Variants in ASCC3 observed in about 807,000 individuals in gnomAD.
The protein encoded by ASCC3 is ASC-1 complex subunit P200.
In ASCC3, 158 loss-of-function variants were observed where a neutral mutation model predicts 256.3. That is an observed-to-expected ratio of 0.62 (90% CI 0.54 to 0.70). The LOEUF is 0.70. Among genes scored for constraint, ASCC3 ranks in the 30% least tolerant of loss-of-function variants. ASCC3 has a pLI of 0.00. For missense variants in ASCC3, 2,259 were observed against 2,626.0 expected, an observed-to-expected ratio of 0.86 and a Z score of 3.05; for synonymous variants, 948 against 883.4, an observed-to-expected ratio of 1.07 and a Z score of -1.30.
At chr6:100,784,539 C>T (rs997367790) in intron 8 of ASCC3, among the ~76,000 whole-genome samples, 2 of 151,930 alleles carry the variant, frequency 1.3e-5, no homozygotes, top group African/African-American at 4.8e-5. Flanking sequence ...ATGACACATT[C>T]TCCATGAATC....
chr6:100,591,136 T>G (rs913226078), intron 34 of ASCC3, among the ~76,000 whole-genome samples: 2 of 152,094 alleles, frequency 1.3e-5, no homozygotes, highest in African/African-American at 4.8e-5. Flanking sequence ...AATTAAGAGA[T>G]AAATAAGTAC....
At position 100,590,016 on chromosome 6, in the gene ASCC3, A is replaced by G. The variant is rs375204647; in HGVS notation, c.5347T>C (p.Phe1783Leu). 3 of 1,613,624 alleles carry G rather than the reference A, an allele frequency of 1.9e-6. No individual in the cohort carries two copies. In the African/African-American group the frequency reaches 4.0e-5, roughly 22 times the overall value. Residue 1783 changes from phenylalanine (F) to leucine (L), a missense_variant, in exon 35 of 42, where the codon TTT becomes CTT. Phe to Leu is a conservative substitution (Grantham distance 22). Coordinates refer to ENST00000369162, the MANE Select transcript of ASCC3 (RefSeq NM_006828.4). ...GACTTCTCAATCAGATGGGACAGAA[A>G]CTTGTTCACAGAATCATGGCTCACA... ...GDVSHDSVNK[F>L]LSHLIEKSLI...
chr6:100,753,003 C>A (rs535389678), intron 10 of ASCC3, among the ~76,000 whole-genome samples: 3 of 152,088 alleles, frequency 2.0e-5, no homozygotes, highest in African/African-American at 7.2e-5. Context: ...AGTAAATAGG[C>A]CCCTTTCAGA....
At chr6:100,593,933 ATG>A (rs543567807) in intron 34 of ASCC3, among the ~76,000 whole-genome samples, 5 of 152,212 alleles carry the variant, frequency 3.3e-5, no homozygotes, top group African/African-American at 9.6e-5. Flanking sequence ...GCACAAGTTA[ATG>A]TGTGTGTGTA....
At chr6:100,630,585 A>T (rs1398916151) in intron 26 of ASCC3, among the ~76,000 whole-genome samples, 7 of 151,376 alleles carry the variant, frequency 4.6e-5, no homozygotes, top group Admixed American at 3.9e-4. Context: ...GTGTGAATGT[A>T]CTATAATTTA....
At position 100,590,196 on chromosome 6, in the gene ASCC3, C is replaced by T. The variant is rs1053555981; in HGVS notation, c.5304-137G>A. The T allele has an allele frequency of 4.2e-5, 29 of 682,644 alleles. No homozygotes were observed. In the African/African-American group the frequency reaches 4.5e-4, roughly 11 times the overall value. 42.3% of individuals were successfully genotyped at this position (682,644 alleles called of 1,614,324 possible). On this transcript the variant is annotated intron_variant, in intron 34 of 41. Transcript: ENST00000369162. ...ATCCTCAGTAACATCACAAAACTCA[C>T]AGAAATATTAATCTTGGGTGGTAGA...
At chr6:100,535,467 T>TG (rs1562100623) in intron 37 of ASCC3, among the ~76,000 whole-genome samples, 1 of 43,350 alleles carries the variant, frequency 2.3e-5, no homozygotes, top group East Asian at 5.9e-4. Context: ...GGTTTTCGTG[T>TG]TTTTTTTTTT....
intron 19 of ASCC3, among the ~76,000 whole-genome samples, 200 bp downstream of exon 19, chr6:100,651,360 G>C (rs1353499881): frequency 6.6e-6 from 1 of 151,846 alleles, no homozygotes; most frequent in Non-Finnish European, 1.5e-5. Context: ...ATTTGATGTG[G>C]AGTACAGAGA....
At chr6:100,799,339 G>C in intron 7 of ASCC3, 92 bp downstream of exon 7, 1 of 1,382,364 alleles carries the variant, frequency 7.2e-7, no homozygotes, top group South Asian at 1.2e-5. Context: ...TAGTCAACTA[G>C]TGTTAGACTC....
At chr6:100,820,962 T>C (rs975902692) in intron 4 of ASCC3, among the ~76,000 whole-genome samples, 4 of 152,084 alleles carry the variant, frequency 2.6e-5, no homozygotes, top group East Asian at 1.9e-4. Context: ...AAATGGAAAA[T>C]AGCAAGTTTT....
At chr6:100,817,076 T>C (rs1770787681) in intron 4 of ASCC3, among the ~76,000 whole-genome samples, 1 of 152,038 alleles carries the variant, frequency 6.6e-6, no homozygotes, top group Non-Finnish European at 1.5e-5. Flanking sequence ...GGATAGATCA[T>C]ATAGTTAGCT....
At chr6:100,790,906 C>T (rs1019221007) in intron 8 of ASCC3, among the ~76,000 whole-genome samples, 2 of 151,748 alleles carry the variant, frequency 1.3e-5, no homozygotes, top group African/African-American at 2.4e-5. Flanking sequence ...GTAGACTATA[C>T]GGTACTGCAA....
chr6:100,860,987 G>C (rs763036807), intron 3 of ASCC3, among the ~76,000 whole-genome samples: 12 of 152,104 alleles, frequency 7.9e-5, no homozygotes, highest in Non-Finnish European at 1.6e-4. Flanking sequence ...GATCAGTCCA[G>C]TGACAGTGAA....
At chr6:100,513,467 C>A (rs933417171) in intron 39 of ASCC3, among the ~76,000 whole-genome samples, 1 of 152,098 alleles carries the variant, frequency 6.6e-6, no homozygotes, top group Non-Finnish European at 1.5e-5. Context: ...GATAAAAGGG[C>A]AATGTGAAAA....
chr6:100,697,616 C>T (rs946500003), intron 13 of ASCC3, among the ~76,000 whole-genome samples: 6 of 151,082 alleles, frequency 4.0e-5, no homozygotes, highest in Non-Finnish European at 8.9e-5. Flanking sequence ...CAAAATTATG[C>T]ACAGTATTTT....
intron 10 of ASCC3, among the ~76,000 whole-genome samples, chr6:100,748,634 C>T (rs773476030): frequency 6.6e-6 from 1 of 151,980 alleles, no homozygotes; most frequent in Non-Finnish European, 1.5e-5. Flanking sequence ...ACATCTTTCA[C>T]ACAATGTATT....
intron 27 of ASCC3, among the ~76,000 whole-genome samples, chr6:100,628,769 T>C (rs1001951048): frequency 6.6e-6 from 1 of 152,132 alleles, no homozygotes; most frequent in Non-Finnish European, 1.5e-5. Context: ...CAGGTATTTC[T>C]TTATGGCAAT....
chr6:100,640,221 C>T (rs1775052411), intron 24 of ASCC3, among the ~76,000 whole-genome samples: 1 of 151,894 alleles, frequency 6.6e-6, no homozygotes, highest in South Asian at 2.1e-4. Context: ...CTTAAAAAGA[C>T]TAAAAAATAA....
rs1773608839 is a variant in ASCC3 at position 100,508,536 on chromosome 6, C to T, written c.*850G>A. 1 of 151,974 alleles carries T rather than the reference C, an allele frequency of 6.6e-6. No homozygotes were observed. Among genetic ancestry groups the T allele is most frequent in the Admixed American group, 6.6e-5 (1 of 15,256 alleles). 9.4% of individuals were successfully genotyped at this position (151,974 alleles called of 1,614,324 possible). Reference sequence around the variant, plus strand: ...TCTGTCTCAGATTTTTCCTGGAGAGCATAAAGACAAATAATTGTACTATAT... The same window carrying T: ...TCTGTCTCAGATTTTTCCTGGAGAGTATAAAGACAAATAATTGTACTATAT... On this transcript the variant is annotated 3_prime_UTR_variant, in exon 42 of 42. Transcript: ENST00000369162.
Sources: gnomAD v4.1 joint callset for allele counts (sites outside exome capture counted in the v4.1 genomes callset) on GRCh38, gnomAD v4.1.1 for gene constraint, MANE v1.5 for transcripts, NCBI Gene and HGNC (gene_info 2026-07-23, HGNC 2026-07-21) for gene names.